HDAC9: variants seen among roughly 807,000 people sequenced by gnomAD.
HDAC9 encodes the protein MEF-2 interacting transcription repressor (MITR) protein.
In HDAC9, 41 loss-of-function variants were observed where a neutral mutation model predicts 139.4. The ratio of observed to expected loss-of-function variants is 0.29; its 90% confidence interval spans 0.23 to 0.38. The LOEUF (loss-of-function observed/expected upper bound fraction) is 0.38, where lower values mean the gene tolerates loss of function less well. Ranked by LOEUF, HDAC9 falls within the 10% of genes least tolerant of loss-of-function variation. The probability of loss-of-function intolerance (pLI) is 1.00; values close to 1 mark genes in which losing one functional copy is unlikely to be tolerated. For missense variants in HDAC9, 1,147 were observed against 1,297.0 expected (o/e 0.88, Z 1.78); for synonymous variants, 517 against 476.2 (o/e 1.09, Z -1.12).
chr7:18,620,148 T>G (rs537810463), intron 6 of HDAC9, among the ~76,000 whole-genome samples: 2 of 152,322 alleles, frequency 1.3e-5, no homozygotes, highest in South Asian at 4.1e-4. Context: ...TAGTTGGCAC[T>G]GTATAGGTAC....
intron 1 of HDAC9, among the ~76,000 whole-genome samples, chr7:18,413,070 C>T (rs1788723582): frequency 6.6e-6 from 1 of 152,074 alleles, no homozygotes; most frequent in South Asian, 2.1e-4. Flanking sequence ...GGATGTCTAC[C>T]TACTAAAATT....
chr7:18,113,269 A>G (rs759213514), intron 1 of HDAC9, among the ~76,000 whole-genome samples: 5 of 152,198 alleles, frequency 3.3e-5, no homozygotes, highest in African/African-American at 4.8e-5. Context: ...GGTGAATACT[A>G]TGATTGACCA....
intron 2 of HDAC9, among the ~76,000 whole-genome samples, chr7:18,252,881 G>C (rs982455093): frequency 3.3e-5 from 5 of 152,118 alleles, no homozygotes; most frequent in African/African-American, 1.2e-4. Context: ...ATTAAGCCTA[G>C]TCCCCATTAG....
intron 1 of HDAC9, among the ~76,000 whole-genome samples, chr7:18,309,913 T>G (rs1341861623): frequency 6.6e-6 from 1 of 152,172 alleles, no homozygotes; most frequent in Non-Finnish European, 1.5e-5. Context: ...TGGTCCTTGT[T>G]TGTGATATTA....
At chr7:18,562,590 A>G (rs533723891) in intron 2 of HDAC9, among the ~76,000 whole-genome samples, 1 of 152,250 alleles carries the variant, frequency 6.6e-6, no homozygotes, top group East Asian at 1.9e-4. Flanking sequence ...TCTGGATTCT[A>G]ATTTCTATAC....
In HDAC9 at chr7:18,977,117, G is replaced by T. The variant is rs968076967; in HGVS notation, c.3170+1164G>T. On this transcript the variant is annotated intron_variant, in intron 25 of 25. Transcript: ENST00000686413. ...TAAACAGCAGATTAGCAATAAGGGG[G>T]AAAAGTTGTATATTACTCTATTGAA... Among the ~76,000 whole-genome samples the T allele has an allele frequency of 1.1e-3, 173 of 152,274 alleles. 1 individual carries two copies. Among genetic ancestry groups the T allele is most frequent in the African/African-American group, 4.1e-3 (170 of 41,564 alleles).
In HDAC9 at chr7:18,998,980, C is replaced by G. The variant is rs886879723; in HGVS notation, c.*2918C>G. On this transcript the variant is annotated 3_prime_UTR_variant, in exon 26 of 26. Transcript: ENST00000686413. ...ACAGACAGTTTTATTAAATAGTAAC[C>G]AAAATGGACTCAAATAAAACCAGAG... 2 of 151,980 alleles carry G rather than the reference C, an allele frequency of 1.3e-5. No individual in the cohort carries two copies. Among genetic ancestry groups the G allele is most frequent in the Non-Finnish European group, 2.9e-5 (2 of 67,992 alleles). The allele number at this position is 151,980 out of a possible 1,614,324, so 9.4% of individuals were successfully genotyped here.
At chr7:18,993,383 T>C (rs750909440) in intron 25 of HDAC9, among the ~76,000 whole-genome samples, 68 of 152,330 alleles carry the variant, frequency 4.5e-4, no homozygotes, top group Middle Eastern at 3.4e-3. Flanking sequence ...AGACACTGAC[T>C]GACTGATTCA....
At chr7:18,483,024 A>G (rs573530843) in intron 1 of HDAC9, among the ~76,000 whole-genome samples, 2 of 152,230 alleles carry the variant, frequency 1.3e-5, no homozygotes, top group African/African-American at 4.8e-5. Flanking sequence ...CTATATTAAG[A>G]ATTAGCAAAA....
chr7:18,970,398 TA>T, intron 24 of HDAC9, among the ~76,000 whole-genome samples: 1 of 152,352 alleles, frequency 6.6e-6, no homozygotes, highest in East Asian at 1.9e-4. Context: ...GTTGTAACAA[TA>T]AATTTTGAAT....
chr7:18,934,608 C>T lies in HDAC9; in HGVS notation c.2804-1201C>T, dbSNP rs112070860. ...TCTAAGTTAAATTAGAAATAGAAAA[C>T]TCCCCTCTTACACTGAATGAAAACA... is the stretch of plus-strand genomic sequence containing the variant. On this transcript the variant is annotated intron_variant, in intron 22 of 25. Coordinates refer to ENST00000686413, the MANE Select transcript of HDAC9 (RefSeq NM_178425.4). Among the ~76,000 whole-genome samples, 691 of 152,200 alleles carry T rather than the reference C, an allele frequency of 4.5e-3. 2 individuals are homozygous for T. The highest frequency in any genetic ancestry group is 7.3e-3 in the Non-Finnish European group (494 of 67,970).
At chr7:18,291,594 G>A (rs1043815414) in intron 1 of HDAC9, among the ~76,000 whole-genome samples, 1 of 152,068 alleles carries the variant, frequency 6.6e-6, no homozygotes, top group Admixed American at 6.6e-5. Flanking sequence ...GAAAGCCAAA[G>A]GTTGTATCTG....
intron 2 of HDAC9, among the ~76,000 whole-genome samples, chr7:18,178,580 C>T (rs1270566710): frequency 2.6e-5 from 4 of 152,148 alleles, no homozygotes; most frequent in African/African-American, 9.7e-5. Context: ...TGAACTTCTC[C>T]CTGTTTCAAT....
chr7:18,930,458 TACAC>T (rs1353226022), intron 22 of HDAC9, among the ~76,000 whole-genome samples: 2 of 151,498 alleles, frequency 1.3e-5, no homozygotes, highest in Non-Finnish European at 2.9e-5. Context: ...AACACACACA[TACAC>T]ACAAACACAC....
chr7:18,837,154 G>T (rs1030508161), intron 21 of HDAC9, among the ~76,000 whole-genome samples: 2 of 151,236 alleles, frequency 1.3e-5, no homozygotes, highest in Admixed American at 1.3e-4. Context: ...TGTTTGGCTT[G>T]GCATTCAAGA....
chr7:18,894,553 A>G (rs867729967), intron 22 of HDAC9, among the ~76,000 whole-genome samples: 1 of 152,244 alleles, frequency 6.6e-6, no homozygotes, highest in Middle Eastern at 3.4e-3. Flanking sequence ...GATGAGTTAA[A>G]AGCCTGATTA....
At chr7:18,992,563 G>A (rs1786071255) in intron 25 of HDAC9, among the ~76,000 whole-genome samples, 1 of 152,016 alleles carries the variant, frequency 6.6e-6, no homozygotes, top group African/African-American at 2.4e-5. Context: ...AATTAAATCA[G>A]TAAAATGAGA....
At chr7:18,545,815 C>T (rs528988626) in intron 2 of HDAC9, among the ~76,000 whole-genome samples, 2 of 152,136 alleles carry the variant, frequency 1.3e-5, no homozygotes, top group African/African-American at 2.4e-5. Flanking sequence ...TGGCAAAATT[C>T]GACCTACTGG....
chr7:18,585,116 T>C (rs1829051758), intron 2 of HDAC9, among the ~76,000 whole-genome samples, 165 bp from the exon 3 acceptor site: 1 of 152,242 alleles, frequency 6.6e-6, no homozygotes, highest in Admixed American at 6.5e-5. Context: ...AAAACTAATG[T>C]ACAAATGACT....
Sources: allele counts gnomAD v4.1 joint callset (sites outside exome capture counted in the v4.1 genomes callset), GRCh38; gene constraint gnomAD v4.1.1; transcripts MANE v1.5; gene names NCBI Gene and HGNC (gene_info 2026-07-23, HGNC 2026-07-21).